RUVBL2: variants seen among roughly 807,000 people sequenced by gnomAD.
RUVBL2 encodes the protein RuvB like AAA ATPase 2.
RUVBL2 carries 9 observed loss-of-function variants against 57.9 expected under a neutral mutation model. The ratio of observed to expected loss-of-function variants is 0.16; its 90% CI spans 0.09 to 0.27. The LOEUF (loss-of-function observed/expected upper bound fraction) is 0.27, where lower values mean the gene tolerates loss of function less well. Ranked by LOEUF, RUVBL2 falls within the 10% of genes least tolerant of loss-of-function variation. RUVBL2 has a pLI of 1.00. For synonymous variants in RUVBL2, 278 were observed against 264.6 expected (o/e 1.05, Z -0.49); for missense variants, 456 against 669.6 (o/e 0.68, Z 3.52).
Position 49,010,483 on chromosome 19 carries a change from C to CCCACAACAACAA in RUVBL2, c.664-5_664-4insCCACAACAACAA. On this transcript the variant is annotated splice_polypyrimidine_tract_variant and splice_region_variant and intron_variant, in intron 8 of 14. Coordinates refer to ENST00000595090, the MANE Select transcript of RUVBL2 (RefSeq NM_006666.3). ...CGCCGTTCTTCCCCCACCCCCGCCCCATAGACCAAGTTCGTGCAGTGCCCA... is the reference window on the plus strand; with the variant it reads ...CGCCGTTCTTCCCCCACCCCCGCCCCCCACAACAACAAATAGACCAAGTTCGTGCAGTGCCCA... The CCCACAACAACAA allele has an allele frequency of 6.3e-7, 1 of 1,576,000 alleles. No individual in the cohort carries two copies. The highest frequency in any genetic ancestry group is 8.7e-7 in the Non-Finnish European group (1 of 1,148,126).
Position 49,011,851 on chromosome 19 carries a change from T to C in RUVBL2, c.1001+541T>C, listed in dbSNP as rs1291702569. ...GGAACTCTTAATGTTGTGTTTGGCC[T>C]GAGGATGCCGGGGACAGATTCCTGT... On this transcript the variant is annotated intron_variant, in intron 11 of 14. Transcript: ENST00000595090. This position sits in a 1 kb window ranked among gnomAD's most constrained non-coding sequence, Gnocchi z 4.4. Among the ~76,000 whole-genome samples, 1 of 119,946 alleles carries C rather than the reference T, an allele frequency of 8.3e-6. No individual in the cohort carries two copies. Among genetic ancestry groups the C allele is most frequent in the African/African-American group, 2.6e-5 (1 of 39,022 alleles). The allele number at this position is 119,946 out of a possible 152,430, so 78.7% of individuals were successfully genotyped here. A position where few individuals can be genotyped will look rare whatever the true frequency, so the allele number is the denominator to read the frequency against.
intron 6 of RUVBL2, among the ~76,000 whole-genome samples, 185 bp from the exon 7 acceptor site, chr19:49,009,591 C>T (rs976068634): frequency 2.0e-5 from 3 of 152,218 alleles, no homozygotes; most frequent in African/African-American, 7.2e-5. Context: ...AGCCGCGGAG[C>T]CATCACCGCG....
intron 11 of RUVBL2, among the ~76,000 whole-genome samples, chr19:49,012,665 G>C (rs538410758): frequency 2.4e-4 from 36 of 152,368 alleles, no homozygotes; most frequent in African/African-American, 8.7e-4. Flanking sequence ...TTTCCCAGCT[G>C]AGTGTGAACG....
chr19:48,999,796 GT>G (rs2039141081), intron 2 of RUVBL2, among the ~76,000 whole-genome samples: 1 of 152,194 alleles, frequency 6.6e-6, no homozygotes, highest in Admixed American at 6.5e-5. Context: ...GAATGCACGA[GT>G]TTGCGTCCTG....
chr19:48,999,366 G>A lies in RUVBL2; in HGVS notation c.60G>A (p.Glu20=). 6.2e-7 allele frequency: 1 copy of A among 1,614,224 alleles called. No homozygotes were observed. Among genetic ancestry groups the A allele is most frequent in the Non-Finnish European group, 8.5e-7 (1 of 1,180,028 alleles). The change falls in exon 2 of 15, where the codon GAG becomes GAA. Residue 20 remains glutamate, a synonymous_variant. Coordinates refer to ENST00000595090, the MANE Select transcript of RUVBL2 (RefSeq NM_006666.3). The stretch of plus-strand genomic sequence containing the variant: ...AGATCCGTGATGTAACAAGGATTGA[G>A]CGAATCGGTGAGTGAGTTGGGTCAG... ...VPEIRDVTRI[E]RIGAHSHIRG... is the part of the protein sequence containing the mutation.
chr19:49,001,162 CA>C (rs1165563138), intron 2 of RUVBL2, among the ~76,000 whole-genome samples: 91 of 147,246 alleles, frequency 6.2e-4, no homozygotes, highest in Admixed American at 1.7e-3. Flanking sequence ...AAAATAAAAA[CA>C]TTTTTTTTTT....
In RUVBL2 at chr19:49,011,917, C is replaced by T. The variant is rs1489646367; in HGVS notation, c.1001+607C>T. Among the ~76,000 whole-genome samples the T allele has an allele frequency of 1.3e-5, 2 of 151,658 alleles. No homozygotes were observed. The highest frequency in any genetic ancestry group is 2.4e-5 in the African/African-American group (1 of 41,366). The stretch of plus-strand genomic sequence containing the variant: ...GTGCTGTGCTGAAGCCTGGGAACCT[C>T]GTCTCCCAGGTGTTGCCAGCACCCT... On this transcript the variant is annotated intron_variant, in intron 11 of 14. Transcript: ENST00000595090. This position sits in a 1 kb window ranked among gnomAD's most constrained non-coding sequence, Gnocchi z 4.4.
Position 49,009,808 on chromosome 19 carries a change from C to T in RUVBL2, c.495C>T (p.Thr165=). The change falls in exon 7 of 15, where the codon ACC becomes ACT. Residue 165 remains threonine (T), a synonymous_variant. Coordinates refer to ENST00000595090, the MANE Select transcript of RUVBL2 (RefSeq NM_006666.3). The part of the protein sequence containing the change: ...GSKVGKLTLK[T]TEMETIYDLG... ...AGGTGGGCAAACTGACCCTCAAGAC[C>T]ACAGAGATGGAGACCATCTACGACC... 1.2e-6 allele frequency: 2 copies of T among 1,614,080 alleles called. No homozygotes were observed. The highest frequency in any genetic ancestry group is 2.2e-5 in the East Asian group (1 of 44,878).
At chr19:49,008,248 A>AT (rs915841650) in intron 6 of RUVBL2, among the ~76,000 whole-genome samples, 25 of 144,962 alleles carry the variant, frequency 1.7e-4, no homozygotes, top group African/African-American at 2.8e-4. Context: ...TTTTATTATA[A>AT]TTTTTTTTTT....
At chr19:48,999,488 GC>G in intron 2 of RUVBL2, 115 bp downstream of exon 2, 1 of 1,035,458 alleles carries the variant, frequency 9.7e-7, no homozygotes, top group Non-Finnish European at 1.5e-6. Flanking sequence ...CACCAACTGT[GC>G]CCCCACTACC....
At chr19:49,005,230 G>A (rs1034788388) in intron 4 of RUVBL2, among the ~76,000 whole-genome samples, 1 of 152,224 alleles carries the variant, frequency 6.6e-6, no homozygotes, top group South Asian at 2.1e-4. Flanking sequence ...TGAGGCTGGG[G>A]CCAGGCAGGG....
chr19:49,014,199 C>CT (rs2039493842), intron 11 of RUVBL2, among the ~76,000 whole-genome samples: 1 of 152,232 alleles, frequency 6.6e-6, no homozygotes, highest in Non-Finnish European at 1.5e-5. Flanking sequence ...CTTTGTGAAG[C>CT]TTTGTGTCGA....
Position 49,011,377 on chromosome 19 carries a change from C to A in RUVBL2, c.1001+67C>A. ...TGGGCAGTGGGTGTGGTCAGAGGGT[C>A]AATGGGAGCCTGTGTTGACACCGGG... On this transcript the variant is annotated intron_variant, in intron 11 of 14. Coordinates refer to ENST00000595090, the MANE Select transcript of RUVBL2 (RefSeq NM_006666.3). The surrounding 1 kb of genome is among the most constrained non-coding windows in gnomAD (Gnocchi z 4.4). 2.4e-6 allele frequency: 3 copies of A among 1,268,646 alleles called. No homozygotes were observed. The highest frequency in any genetic ancestry group is 1.2e-5 in the South Asian group (1 of 83,958). The allele number at this position is 1,268,646 out of a possible 1,614,324, so 78.6% of individuals were successfully genotyped here. A position where few individuals can be genotyped will look rare whatever the true frequency, so the allele number is the denominator to read the frequency against.
rs1363899297 is a variant in RUVBL2, at chr19:49,007,344, G to C, written c.438G>C (p.Gln146His). ...EIIEGEVVEIQIDRPATGTGS... is the reference protein window; with the variant it reads ...EIIEGEVVEIHIDRPATGTGS... The stretch of plus-strand genomic sequence containing the variant: ...TCGAAGGGGAGGTGGTGGAGATCCA[G>C]ATTGATCGACCAGCAACAGGGACGG... Residue 146 changes from glutamine to histidine, a missense_variant, in exon 6 of 15, where the codon CAG becomes CAC. Physicochemically the swap from Gln to His is conservative, Grantham distance 24. This residue lies in a region of RUVBL2 where 233 missense variants were observed against 306.0 expected (regional missense o/e 0.76). Coordinates refer to ENST00000595090, the MANE Select transcript of RUVBL2 (RefSeq NM_006666.3). 1 of 1,613,984 alleles carries C rather than the reference G, an allele frequency of 6.2e-7. No homozygotes were observed. The highest frequency in any genetic ancestry group is 8.5e-7 in the Non-Finnish European group (1 of 1,180,016).
At chr19:49,004,480 G>T (rs1042044797) in intron 4 of RUVBL2, 62 bp downstream of exon 4, 1 of 1,523,648 alleles carries the variant, frequency 6.6e-7, no homozygotes. Context: ...TCCTGTGTAA[G>T]TCAGGGTCAG....
intron 8 of RUVBL2, 37 bp downstream of exon 8, chr19:49,010,103 C>T (rs2039380842): frequency 2.5e-6 from 4 of 1,575,510 alleles, no homozygotes; most frequent in Non-Finnish European, 3.5e-6. Flanking sequence ...TCGCCCCCAG[C>T]ACTGGGGTGT....
rs1056623659 is a variant in RUVBL2 at position 49,004,409 on chromosome 19, A to G, written c.256A>G (p.Ile86Val). The G allele has an allele frequency of 2.5e-6, 4 of 1,612,602 alleles. No homozygotes were observed. The highest frequency in any genetic ancestry group is 3.4e-6 in the Non-Finnish European group (4 of 1,179,812). Residue 86 changes from isoleucine (I) to valine (V), a missense_variant, in exon 4 of 15, where the codon ATC becomes GTC. This residue lies in a region of RUVBL2 where 233 missense variants were observed against 306.0 expected (regional missense o/e 0.76). Coordinates refer to ENST00000595090, the MANE Select transcript of RUVBL2 (RefSeq NM_006666.3). ...CCAGCCGGGCACGGGGAAGACGGCC[A>G]TCGCCATGGGTAAGAAACCTCCCAG... ...AGQPGTGKTA[I>V]AMGMAQALGP...
chr19:48,994,195 C>T (rs1462085728), intron 1 of RUVBL2: 1 of 542,018 alleles, frequency 1.8e-6, no homozygotes, highest in South Asian at 2.3e-5. Context: ...CTTTCAAAAT[C>T]ATCTTGGCGC....
chr19:49,012,222 G>A (rs2039443615), intron 11 of RUVBL2, among the ~76,000 whole-genome samples: 1 of 152,202 alleles, frequency 6.6e-6, no homozygotes, highest in Non-Finnish European at 1.5e-5. Flanking sequence ...CATCACAAAA[G>A]GGAAGAAGCG....
Sources: gnomAD v4.1 joint callset for allele counts (sites outside exome capture counted in the v4.1 genomes callset) on GRCh38, gnomAD v4.1.1 for gene constraint, gnomAD v4.1.1 regional missense constraint, Gnocchi (gnomAD v3.1) non-coding constraint, MANE v1.5 for transcripts, NCBI Gene and HGNC (gene_info 2026-07-23, HGNC 2026-07-21) for gene names.